The following NODAL variants were observed in gnomAD, a reference collection of about 807,000 sequenced individuals.
The protein encoded by NODAL is nodal growth differentiation factor, also known as nodal homolog.
In NODAL, 12 loss-of-function variants were observed where a neutral mutation model predicts 34.0. The ratio of observed to expected loss-of-function variants is 0.35; its 90% CI spans 0.23 to 0.57. NODAL has a LOEUF of 0.57. NODAL is among the 20% of genes least tolerant of loss of function. The pLI is 0.83. For missense variants in NODAL, 390 were observed against 444.2 expected, an observed-to-expected ratio of 0.88 and a Z score of 1.10; for synonymous variants, 162 against 186.4, an observed-to-expected ratio of 0.87 and a Z score of 1.07.
intron 2 of NODAL, among the ~76,000 whole-genome samples, chr10:70,433,565 C>T (rs1199213833): frequency 6.6e-6 from 1 of 152,000 alleles, no homozygotes; most frequent in Admixed American, 6.6e-5. Context: ...CAGGTACATG[C>T]CACCATGCCT....
Position 70,441,602 on chromosome 10 carries a change from C to T in NODAL, c.66G>A (p.Ala22=). 1.3e-6 allele frequency: 2 copies of T among 1,555,116 alleles called. No individual in the cohort carries two copies. The highest frequency in any genetic ancestry group is 1.4e-5 in the African/African-American group (1 of 73,498). ...TACGCAGGAGCGCAGTGGCCACCGT[C>T]GCAGCACCCGCCTGGAGTAGGGCCC... ...AWWALLQAGA[A]TVATALLRTR... The change falls in exon 1 of 3, where the codon GCG becomes GCA. Residue 22 remains alanine (A), a synonymous_variant. Coordinates refer to ENST00000287139, the MANE Select transcript of NODAL (RefSeq NM_018055.5).
In NODAL at chr10:70,432,438, C is replaced by T. The variant is rs1009436835; in HGVS notation, c.*498G>A. On this transcript the variant is annotated 3_prime_UTR_variant, in exon 3 of 3. Transcript: ENST00000287139. ...AGCTGTGGGGCTCCCCCAACCCAGC[C>T]TGAGGCAATGAGATTGACGGACTCT... is the stretch of plus-strand genomic sequence containing the variant. 1 of 193,958 alleles carries T rather than the reference C, an allele frequency of 5.2e-6. No homozygotes were observed. The highest frequency in any genetic ancestry group is 5.3e-5 in the Admixed American group (1 of 18,870). The allele number at this position is 193,958 out of a possible 1,614,324, so 12.0% of individuals were successfully genotyped here. A position where few individuals can be genotyped will look rare whatever the true frequency, so the allele number is the denominator to read the frequency against.
rs773130898 is a variant in NODAL, at chr10:70,435,641, T to C, written c.536A>G (p.Glu179Gly). The change falls in exon 2 of 3, where the codon GAG becomes GGG. Residue 179 changes from glutamate (E) to glycine (G), a missense_variant. By Grantham distance (98) the Glu-to-Gly change is moderately conservative (BLOSUM62 -2). Transcript: ENST00000287139. ...LEKQMSRVAG[E>G]CWPRPPTPPA... ...CGGTGTGGGGGGCCGCGGCCAGCAC[T>C]CTCCAGCTACCCTGGACATCTGCTT... 4 of 1,613,986 alleles carry C rather than the reference T, an allele frequency of 2.5e-6. No homozygotes were observed. Among genetic ancestry groups the C allele is most frequent in the Non-Finnish European group, 3.4e-6 (4 of 1,179,958 alleles).
intron 1 of NODAL, among the ~76,000 whole-genome samples, chr10:70,439,048 A>G (rs1845392640): frequency 6.6e-6 from 1 of 151,312 alleles, no homozygotes; most frequent in African/African-American, 2.4e-5. Context: ...CTCTGTGGCC[A>G]GGCTCGAGTG....
intron 2 of NODAL, 21 bp from the exon 3 acceptor site, chr10:70,433,109 G>A (rs778239524): frequency 6.2e-7 from 1 of 1,613,444 alleles, no homozygotes; most frequent in Non-Finnish European, 8.5e-7. Flanking sequence ...AAGGAAGGGT[G>A]TGTCAATTCA....
At chr10:70,434,238 T>A (rs943871481) in intron 2 of NODAL, among the ~76,000 whole-genome samples, 1 of 152,154 alleles carries the variant, frequency 6.6e-6, no homozygotes, top group Non-Finnish European at 1.5e-5. Context: ...ATCCACCATA[T>A]TAGGTTATAT....
upstream of NODAL, among the ~76,000 whole-genome samples, chr10:70,444,008 C>A (rs1845461720): frequency 1.3e-5 from 2 of 148,860 alleles, no homozygotes; most frequent in South Asian, 4.4e-4. Context: ...CCTTGGCTCA[C>A]TGCAACCTCT....
chr10:70,440,557 A>C (rs1306939321), intron 1 of NODAL, among the ~76,000 whole-genome samples: 1 of 152,066 alleles, frequency 6.6e-6, no homozygotes, highest in Admixed American at 6.5e-5. Flanking sequence ...TGGCCCCCGC[A>C]GGCGGAGGGA....
At chr10:70,447,194 C>T (rs889510772) in intron 1 of NODAL, among the ~76,000 whole-genome samples, 2 of 152,070 alleles carry the variant, frequency 1.3e-5, no homozygotes, top group Non-Finnish European at 2.9e-5. Context: ...CTGCCTCAGC[C>T]TCCTGAGTAG....
chr10:70,443,621 C>T (rs1845456100), upstream of NODAL, among the ~76,000 whole-genome samples: 1 of 152,092 alleles, frequency 6.6e-6, no homozygotes, highest in African/African-American at 2.4e-5. Context: ...GGGAAGATCA[C>T]CTGAGGTCGG....
intron 1 of NODAL, chr10:70,436,278 C>T: frequency 2.2e-6 from 1 of 454,132 alleles, no homozygotes; most frequent in South Asian, 2.1e-5. Context: ...AATTACTGTT[C>T]TTCCAGTCCC....
chr10:70,432,801 C>T lies in NODAL; in HGVS notation c.*135G>A. On this transcript the variant is annotated 3_prime_UTR_variant, in exon 3 of 3. Coordinates refer to ENST00000287139, the MANE Select transcript of NODAL (RefSeq NM_018055.5). ...TTCATTTACAGAGTGGGCAGCCCCT[C>T]CTCTTCAGTTCTGGTGGGCAGAGCA... is the stretch of plus-strand genomic sequence containing the variant. 1.0e-6 allele frequency: 1 copy of T among 1,001,308 alleles called. No individual in the cohort carries two copies. Among genetic ancestry groups the T allele is most frequent in the Non-Finnish European group, 1.6e-6 (1 of 640,550 alleles). 62.0% of individuals were successfully genotyped at this position (1,001,308 alleles called of 1,614,324 possible). A position where few individuals can be genotyped will look rare whatever the true frequency, so the allele number is the denominator to read the frequency against.
chr10:70,441,330 G>A, intron 1 of NODAL, 145 bp downstream of exon 1: 1 of 832,596 alleles, frequency 1.2e-6, no homozygotes, highest in South Asian at 1.7e-5. Context: ...GCAGAGCTAG[G>A]CCCTGGGCTC....
Position 70,435,828 on chromosome 10 carries a change from G to C in NODAL, c.349C>G (p.Pro117Ala). 2 of 1,614,138 alleles carry C rather than the reference G, an allele frequency of 1.2e-6. No homozygotes were observed. Among genetic ancestry groups the C allele is most frequent in the Non-Finnish European group, 1.7e-6 (2 of 1,180,050 alleles). Residue 117 changes from proline to alanine, a missense_variant, in exon 2 of 3, where the codon CCA becomes GCA. Transcript: ENST00000287139. Reference sequence around the variant, plus strand: ...GAAGCCTGCTCTGTGTCGGGCTTTGGCTGGTGGAAAATCTCAATGGCAAGT... The same window carrying C: ...GAAGCCTGCTCTGTGTCGGGCTTTGCCTGGTGGAAAATCTCAATGGCAAGT... ...GSLAIEIFHQ[P>A]KPDTEQASDS...
chr10:70,444,722 C>A (rs553564634), upstream of NODAL, among the ~76,000 whole-genome samples: 7 of 152,282 alleles, frequency 4.6e-5, no homozygotes, highest in South Asian at 1.0e-3. Context: ...TCCTCATCTG[C>A]AAAACTTGTC....
rs751176757 is a variant in NODAL at position 70,432,959 on chromosome 10, C to T, written c.1021G>A (p.Val341Met). The T allele has an allele frequency of 1.2e-6, 2 of 1,614,056 alleles. No individual in the cohort carries two copies. Among genetic ancestry groups the T allele is most frequent in the East Asian group, 2.2e-5 (1 of 44,896 alleles). Residue 341 changes from valine to methionine, a missense_variant, in exon 3 of 3, where the codon GTG (valine) becomes ATG (methionine). Val to Met is a conservative substitution (Grantham distance 21, BLOSUM62 1). Transcript: ENST00000287139. The stretch of plus-strand genomic sequence containing the variant: ...CATCAGAGGCACCCACATTCTTCCA[C>T]GATCATGTCTTTATGGTGATCTAGG... ...VLLDHHKDMI[V>M]EECGCL is the part of the protein sequence containing the mutation.
upstream of NODAL, among the ~76,000 whole-genome samples, chr10:70,444,079 C>CCCA (rs1426601354): frequency 6.6e-6 from 1 of 151,632 alleles, no homozygotes; most frequent in Non-Finnish European, 1.5e-5. Flanking sequence ...ATTACAGGTC[C>CCCA]CCACCACCAT....
At chr10:70,437,087 C>G (rs1399276824) in intron 1 of NODAL, among the ~76,000 whole-genome samples, 1 of 152,170 alleles carries the variant, frequency 6.6e-6, no homozygotes, top group East Asian at 1.9e-4. Context: ...TCCATTTATT[C>G]TGGTCCTGGA....
intron 1 of NODAL, among the ~76,000 whole-genome samples, chr10:70,437,978 C>T (rs1186053146): frequency 3.3e-5 from 5 of 152,052 alleles, no homozygotes; most frequent in Non-Finnish European, 4.4e-5. Flanking sequence ...CTGGAGGATT[C>T]GGGCGGTGAG....
Sources: gnomAD v4.1 joint callset for allele counts (sites outside exome capture counted in the v4.1 genomes callset) on GRCh38, gnomAD v4.1.1 for gene constraint, MANE v1.5 for transcripts, NCBI Gene and HGNC (gene_info 2026-07-23, HGNC 2026-07-21) for gene names.